Variants in RERE observed in about 807,000 individuals in gnomAD.
The protein encoded by RERE is arginine-glutamic acid dipeptide repeats protein.
Under a neutral mutation model 146.1 loss-of-function variants are expected in RERE, and 40 were observed. That is an observed-to-expected ratio of 0.27 (90% CI 0.21 to 0.36). The LOEUF (loss-of-function observed/expected upper bound fraction) is 0.36. Among genes scored for constraint, RERE ranks in the 10% least tolerant of loss-of-function variants. RERE has a pLI of 1.00. For missense variants in RERE, 1,933 were observed against 2,138.7 expected, an observed-to-expected ratio of 0.90 and a Z score of 1.90; for synonymous variants, 1,003 against 866.0, an observed-to-expected ratio of 1.16 and a Z score of -2.78.
intron 1 of RERE, among the ~76,000 whole-genome samples, chr1:8,670,738 T>C (rs1365874852): frequency 6.6e-6 from 1 of 150,592 alleles, no homozygotes; most frequent in Non-Finnish European, 1.5e-5. Flanking sequence ...CAAAGGGACA[T>C]GGTGGCTGAA....
intron 12 of RERE, among the ~76,000 whole-genome samples, chr1:8,408,220 G>A (rs1461397090): frequency 2.0e-5 from 3 of 151,940 alleles, no homozygotes; most frequent in Admixed American, 6.6e-5. Context: ...AAAAAGGGAG[G>A]GTGGGGGAAG....
At chr1:8,465,874 G>A (rs985643864) in intron 11 of RERE, 51 bp downstream of exon 11, 8 of 1,494,046 alleles carry the variant, frequency 5.4e-6, no homozygotes, top group Admixed American at 1.7e-5. Flanking sequence ...ACACTGAGAC[G>A]CCGGTGGCCC....
Position 8,358,525 on chromosome 1 carries a change from AG to A in RERE, c.4009del (p.Leu1337CysfsTer35). The A allele has an allele frequency of 2.5e-6, 4 of 1,598,150 alleles. No individual in the cohort carries two copies. The highest frequency in any genetic ancestry group is 3.4e-6 in the Non-Finnish European group (4 of 1,173,110). On this transcript the variant is annotated frameshift_variant, in exon 20 of 23. Transcript: ENST00000400908. LOFTEE classifies it high-confidence loss of function. Reference sequence around the variant, plus strand: ...CTCCATGGGGTTGGCGGCTGGGTGCAGGGGGTCCAGCTCTGGGGGCTTCACC... The same window carrying A: ...CTCCATGGGGTTGGCGGCTGGGTGCAGGGGTCCAGCTCTGGGGGCTTCACC... ...FEVKPPELDP[L>X]HPAANPMEHF...
At chr1:8,396,247 C>T (rs1333663857) in intron 12 of RERE, among the ~76,000 whole-genome samples, 1 of 152,170 alleles carries the variant, frequency 6.6e-6, no homozygotes, top group Non-Finnish European at 1.5e-5. Flanking sequence ...ATTTGAATCC[C>T]AGCTTCTAGA....
intron 6 of RERE, among the ~76,000 whole-genome samples, chr1:8,553,743 C>T (rs968982556): frequency 1.3e-5 from 2 of 152,206 alleles, no homozygotes; most frequent in African/African-American, 4.8e-5. Flanking sequence ...CTGTAGCACT[C>T]CAGCTGTGGT....
In RERE at chr1:8,423,691, C is replaced by T. The variant is rs1054181827; in HGVS notation, c.1204-884G>A. ...CCACAAAGCGCAGGGCGGAGGCGGC[C>T]GCGGGTGGCTCGGCGTGTGACCGCG... On this transcript the variant is annotated intron_variant, in intron 11 of 22. Transcript: ENST00000400908. This position sits in a 1 kb window ranked among gnomAD's most constrained non-coding sequence, Gnocchi z 5.4. 4.1e-6 allele frequency: 4 copies of T among 982,708 alleles called. No homozygotes were observed. The African/African-American group carries it at 5.3e-5, about 13-fold the overall frequency. The allele number at this position is 982,708 out of a possible 1,614,324, so 60.9% of individuals were successfully genotyped here. A position where few individuals can be genotyped will look rare whatever the true frequency, so the allele number is the denominator to read the frequency against.
At chr1:8,485,888 T>A (rs781303801) in intron 10 of RERE, among the ~76,000 whole-genome samples, 28 of 146,140 alleles carry the variant, frequency 1.9e-4, no homozygotes, top group Admixed American at 4.3e-4. Context: ...AATCTCCGCC[T>A]CCCAGATTCA....
rs1375895688 is a variant in RERE at position 8,502,850 on chromosome 1, G to A, written c.880-5321C>T. ...ACTCAGGGTTAAATGGATTAAGGGC[G>A]GTGCAAGATGTGCTTTGTTAAACAG... On this transcript the variant is annotated intron_variant, in intron 8 of 22. Coordinates refer to ENST00000400908, the MANE Select transcript of RERE (RefSeq NM_001042681.2). 1.2e-4 allele frequency among the ~76,000 whole-genome samples: 18 copies of A among 148,900 alleles called. No homozygotes were observed. In the South Asian group the frequency reaches 3.0e-3, roughly 25 times the overall value.
At chr1:8,688,923 T>C (rs1434160068) in intron 1 of RERE, among the ~76,000 whole-genome samples, 5 of 152,180 alleles carry the variant, frequency 3.3e-5, no homozygotes. Flanking sequence ...CAACTTAGGA[T>C]GGGTTTCCTG....
chr1:8,784,200 C>T (rs1305784896), intron 1 of RERE, among the ~76,000 whole-genome samples: 1 of 152,194 alleles, frequency 6.6e-6, no homozygotes, highest in Non-Finnish European at 1.5e-5. Flanking sequence ...GGGAAGCTCA[C>T]GCTGCAGAAC....
chr1:8,770,830 G>A (rs1182389461), intron 1 of RERE, among the ~76,000 whole-genome samples: 2 of 152,168 alleles, frequency 1.3e-5, no homozygotes, highest in South Asian at 2.1e-4. Flanking sequence ...TATTGACAAG[G>A]ATGTTAACTG....
chr1:8,805,660 A>AC (rs933058807), intron 1 of RERE, among the ~76,000 whole-genome samples: 9 of 150,450 alleles, frequency 6.0e-5, no homozygotes, highest in African/African-American at 1.5e-4. Context: ...AAAAAAAAAA[A>AC]AAAAACAAAA....
intron 7 of RERE, among the ~76,000 whole-genome samples, chr1:8,512,080 G>GCAGA (rs1379033781): frequency 1.7e-5 from 2 of 119,370 alleles, no homozygotes; most frequent in Non-Finnish European, 3.3e-5. Flanking sequence ...AGGCCGGACT[G>GCAGA]CAGACTGCAG....
At chr1:8,774,762 T>C (rs1389022519) in intron 1 of RERE, among the ~76,000 whole-genome samples, 1 of 152,052 alleles carries the variant, frequency 6.6e-6, no homozygotes, top group Non-Finnish European at 1.5e-5. Context: ...ACCATGTTTA[T>C]CTAATCTTCT....
intron 6 of RERE, among the ~76,000 whole-genome samples, chr1:8,547,131 A>T (rs1013507366): frequency 6.6e-6 from 1 of 152,054 alleles, no homozygotes; most frequent in Non-Finnish European, 1.5e-5. Context: ...GGAAAAACAA[A>T]TAACTAAAAA....
intron 1 of RERE, among the ~76,000 whole-genome samples, chr1:8,722,726 G>A (rs1375597847): frequency 1.3e-5 from 2 of 152,148 alleles, no homozygotes; most frequent in Non-Finnish European, 2.9e-5. Flanking sequence ...AATACTATAA[G>A]TAATCTGGAG....
intron 2 of RERE, among the ~76,000 whole-genome samples, chr1:8,628,425 G>A (rs1007592260): frequency 1.3e-5 from 2 of 152,154 alleles, no homozygotes; most frequent in Non-Finnish European, 2.9e-5. Context: ...GCTTTGACCT[G>A]ATTTGTCTAA....
At chr1:8,787,341 C>T (rs962648244) in intron 1 of RERE, among the ~76,000 whole-genome samples, 3 of 152,080 alleles carry the variant, frequency 2.0e-5, no homozygotes, top group Non-Finnish European at 4.4e-5. Context: ...TGGTACCATC[C>T]GTACACCCTG....
At chr1:8,766,377 TA>T (rs1176761117) in intron 1 of RERE, among the ~76,000 whole-genome samples, 1 of 151,544 alleles carries the variant, frequency 6.6e-6, no homozygotes, top group East Asian at 1.9e-4. Flanking sequence ...CCATCTCTAC[TA>T]AAAATCAAAA....
Sources: gnomAD v4.1 joint callset for allele counts (sites outside exome capture counted in the v4.1 genomes callset) on GRCh38, gnomAD v4.1.1 for gene constraint, Gnocchi (gnomAD v3.1) non-coding constraint, MANE v1.5 for transcripts, NCBI Gene and HGNC (gene_info 2026-07-23, HGNC 2026-07-21) for gene names.